Variants in SYT1 observed in about 807,000 individuals in gnomAD.
The protein encoded by SYT1 is synaptotagmin 1.
In SYT1, 8 loss-of-function variants were observed where a neutral mutation model predicts 44.8. The observed-to-expected ratio is 0.18, with a 90% CI of 0.10 to 0.32. SYT1 has a LOEUF of 0.32. Among genes scored for constraint, SYT1 ranks in the 10% least tolerant of loss-of-function variants. The pLI, the probability that SYT1 is intolerant of heterozygous loss-of-function variation, is 1.00. For synonymous variants in SYT1, 154 were observed against 188.8 expected (o/e 0.82, Z 1.51); for missense variants, 286 against 509.3 (o/e 0.56, Z 4.22).
At chr12:79,173,290 G>C (rs1918204) in intron 3 of SYT1, among the ~76,000 whole-genome samples, 3 of 151,992 alleles carry the variant, frequency 2.0e-5, no homozygotes, top group Admixed American at 6.6e-5. Flanking sequence ...GCATCTGATA[G>C]AGCAGCATGC....
At chr12:78,870,891 T>C (rs1873788247) in intron 1 of SYT1, among the ~76,000 whole-genome samples, 1 of 152,080 alleles carries the variant, frequency 6.6e-6, no homozygotes, top group Non-Finnish European at 1.5e-5. Flanking sequence ...GAATACTCAG[T>C]CAAAACATGC....
At position 79,306,069 on chromosome 12, in the gene SYT1, A is replaced by G. The variant is rs117209810; in HGVS notation, c.810+6518A>G. Among the ~76,000 whole-genome samples, 1,391 of 152,284 alleles carry G rather than the reference A, an allele frequency of 9.1e-3. 10 individuals are homozygous for G. Among genetic ancestry groups the G allele is most frequent in the Non-Finnish European group, 0.013 (912 of 68,036 alleles). ...TGGCTCCCAAACCCATTTTCTCTCT[A>G]CACTGCCATATTGCCACTAAGAGAG... On this transcript the variant is annotated intron_variant, in intron 8 of 10. Coordinates refer to ENST00000261205, the MANE Select transcript of SYT1 (RefSeq NM_005639.3).
At chr12:78,974,389 C>T (rs1326664811) in intron 1 of SYT1, among the ~76,000 whole-genome samples, 1 of 151,886 alleles carries the variant, frequency 6.6e-6, no homozygotes, top group Admixed American at 6.6e-5. Flanking sequence ...GATCAATCTA[C>T]TAAACATCAG....
At chr12:78,866,242 C>A (rs907452529) in intron 1 of SYT1, among the ~76,000 whole-genome samples, 1 of 152,078 alleles carries the variant, frequency 6.6e-6, no homozygotes, top group East Asian at 1.9e-4. Context: ...CAAACTTATG[C>A]CTGGCTTTAT....
chr12:79,055,752 A>G (rs537075382), intron 3 of SYT1, among the ~76,000 whole-genome samples: 6 of 152,184 alleles, frequency 3.9e-5, no homozygotes, highest in African/African-American at 1.4e-4. Flanking sequence ...ATATAGTAAC[A>G]TAAGTAAAAA....
At chr12:79,040,557 C>T (rs1419282166) in intron 2 of SYT1, among the ~76,000 whole-genome samples, 5 of 152,032 alleles carry the variant, frequency 3.3e-5, no homozygotes, top group African/African-American at 1.2e-4. Flanking sequence ...CAAAAATTTT[C>T]TCCCATTTTG....
At chr12:79,112,037 A>C (rs957150106) in intron 3 of SYT1, among the ~76,000 whole-genome samples, 10 of 151,996 alleles carry the variant, frequency 6.6e-5, no homozygotes, top group Admixed American at 1.3e-4. Context: ...AAAAAAAAAA[A>C]AACACAAAGA....
intron 1 of SYT1, among the ~76,000 whole-genome samples, chr12:78,973,471 T>C (rs1203078030): frequency 6.6e-6 from 1 of 152,076 alleles, no homozygotes; most frequent in Admixed American, 6.5e-5. Context: ...GAAATAAAAC[T>C]ACCATATCAT....
Position 79,372,689 on chromosome 12 carries a change from A to G in SYT1, c.928+19070A>G, listed in dbSNP as rs1305336250. Reference sequence around the variant, plus strand: ...CTGAAGCTGTTGATTATACAGGAGGATTCCCCAACAAGTAGATCTAAAATT... The same window carrying G: ...CTGAAGCTGTTGATTATACAGGAGGGTTCCCCAACAAGTAGATCTAAAATT... On this transcript the variant is annotated intron_variant, in intron 9 of 10. Transcript: ENST00000261205. Among the ~76,000 whole-genome samples the G allele has an allele frequency of 2.0e-5, 3 of 152,180 alleles. No individual in the cohort carries two copies. In the East Asian group the frequency reaches 5.8e-4, roughly 29 times the overall value.
At position 79,076,520 on chromosome 12, in the gene SYT1, A is replaced by C. The variant is rs1210983099; in HGVS notation, c.-18+29158A>C. On this transcript the variant is annotated intron_variant, in intron 3 of 10. Coordinates refer to ENST00000261205, the MANE Select transcript of SYT1 (RefSeq NM_005639.3). ...TTTATTTGTAGGTGAATACATAAAA[A>C]GTTTCAGAATTTTCTAAATTAACCA... Among the ~76,000 whole-genome samples, 7 of 152,300 alleles carry C rather than the reference A, an allele frequency of 4.6e-5. No individual in the cohort carries two copies. The East Asian group carries it at 1.2e-3, about 25-fold the overall frequency.
chr12:79,010,163 G>T (rs780876027), intron 2 of SYT1, among the ~76,000 whole-genome samples: 2 of 152,238 alleles, frequency 1.3e-5, no homozygotes, highest in East Asian at 1.9e-4. Context: ...TGGAGAGAGA[G>T]GTTGAAAAAT....
At chr12:79,338,713 C>T (rs1162033727) in intron 8 of SYT1, among the ~76,000 whole-genome samples, 1 of 138,122 alleles carries the variant, frequency 7.2e-6, no homozygotes, top group East Asian at 2.4e-4. Context: ...GGTACATGTG[C>T]ACAATGTGCA....
chr12:79,269,341 T>C (rs528718761), intron 4 of SYT1, among the ~76,000 whole-genome samples: 1 of 152,258 alleles, frequency 6.6e-6, no homozygotes, highest in Admixed American at 6.5e-5. Context: ...CTCCACTGAA[T>C]TTTGTGCTTA....
At position 79,215,914 on chromosome 12, in the gene SYT1, CTTTCTTTT is replaced by C. The variant is rs1476884709; in HGVS notation, c.-17-1585_-17-1578del. 2.8e-4 allele frequency among the ~76,000 whole-genome samples: 19 copies of C among 67,596 alleles called. No individual in the cohort carries two copies. The East Asian group carries it at 6.0e-3, about 21-fold the overall frequency. The allele number at this position is 67,596 out of a possible 152,430, so 44.3% of individuals were successfully genotyped here. ...ACCAACTCACAAATCGTTTGCATTT[CTTTCTTTT>C]TTTTTTTTTTTTTTTTTTTTTTTTT... On this transcript the variant is annotated intron_variant, in intron 3 of 10. Transcript: ENST00000261205.
chr12:79,021,247 G>C, intron 2 of SYT1, among the ~76,000 whole-genome samples: 1 of 151,872 alleles, frequency 6.6e-6, no homozygotes, highest in Non-Finnish European at 1.5e-5. Context: ...AGACAACTGA[G>C]TTATAAAATT....
At chr12:78,951,464 A>T (rs1227332935) in intron 1 of SYT1, among the ~76,000 whole-genome samples, 1 of 152,186 alleles carries the variant, frequency 6.6e-6, no homozygotes, top group Non-Finnish European at 1.5e-5. Flanking sequence ...GTGAAAATAT[A>T]GTCCAAAGTT....
At chr12:79,326,837 T>C (rs995594496) in intron 8 of SYT1, among the ~76,000 whole-genome samples, 5 of 152,184 alleles carry the variant, frequency 3.3e-5, no homozygotes, top group East Asian at 1.9e-4. Context: ...CAAATAAATA[T>C]GCTGTCTGTA....
At chr12:79,003,733 T>C (rs1870895135) in intron 2 of SYT1, among the ~76,000 whole-genome samples, 1 of 151,974 alleles carries the variant, frequency 6.6e-6, no homozygotes, top group South Asian at 2.1e-4. Context: ...TTTTCTCAAT[T>C]TGTAAGTGTT....
intron 3 of SYT1, among the ~76,000 whole-genome samples, chr12:79,088,154 G>A (rs1358079334): frequency 6.6e-6 from 1 of 151,772 alleles, no homozygotes; most frequent in Non-Finnish European, 1.5e-5. Context: ...TCAAAATCAG[G>A]GTTATATAAG....
Sources: gnomAD v4.1 joint callset for allele counts (sites outside exome capture counted in the v4.1 genomes callset) on GRCh38, gnomAD v4.1.1 for gene constraint, MANE v1.5 for transcripts, NCBI Gene and HGNC (gene_info 2026-07-23, HGNC 2026-07-21) for gene names.